The following SCAF11 variants were observed in gnomAD, a reference collection of about 807,000 sequenced individuals.
SCAF11 encodes protein SCAF11.
In SCAF11, 47 loss-of-function variants were observed where a neutral mutation model predicts 140.5. The observed-to-expected ratio is 0.33, with a 90% CI of 0.26 to 0.43. SCAF11 has a LOEUF of 0.43. Ranked by LOEUF, SCAF11 falls within the 20% of genes least tolerant of loss-of-function variation. SCAF11 has a pLI of 1.00. For synonymous variants in SCAF11, 557 were observed against 579.4 expected (o/e 0.96, Z 0.55); for missense variants, 1,645 against 1,705.1 (o/e 0.96, Z 0.62).
At chr12:45,984,826 C>T (rs1056928314) in intron 1 of SCAF11, among the ~76,000 whole-genome samples, 1 of 151,986 alleles carries the variant, frequency 6.6e-6, no homozygotes, top group African/African-American at 2.4e-5. Context: ...TCCCATGTAG[C>T]TGGGATTACA....
intron 6 of SCAF11, among the ~76,000 whole-genome samples, chr12:45,944,812 A>G (rs1026418589): frequency 2.6e-5 from 4 of 152,248 alleles, no homozygotes; most frequent in Non-Finnish European, 5.9e-5. Flanking sequence ...TTCAAATTAG[A>G]AGTAAGGCTA....
At chr12:45,937,703 A>G (rs902911792) in intron 6 of SCAF11, among the ~76,000 whole-genome samples, 1 of 152,198 alleles carries the variant, frequency 6.6e-6, no homozygotes. Flanking sequence ...TTGGAAAATT[A>G]TAATAATCAA....
intron 4 of SCAF11, among the ~76,000 whole-genome samples, chr12:45,950,897 G>A (rs913342855): frequency 3.9e-5 from 6 of 151,918 alleles, no homozygotes; most frequent in East Asian, 1.9e-4. Context: ...TCCTATTAAC[G>A]GCATCACTTA....
chr12:45,974,863 A>G (rs1946196844), intron 1 of SCAF11: 1 of 152,436 alleles, frequency 6.6e-6, no homozygotes, highest in Admixed American at 6.5e-5. Context: ...TATCCATCCA[A>G]GAAATCACTG....
At chr12:45,924,368 C>G (rs1367144149) in intron 12 of SCAF11, among the ~76,000 whole-genome samples, 1 of 152,052 alleles carries the variant, frequency 6.6e-6, no homozygotes, top group South Asian at 2.1e-4. Flanking sequence ...TAGTTCCCAC[C>G]GTCCCCATAT....
At chr12:45,936,094 A>G (rs1945166536) in intron 6 of SCAF11, among the ~76,000 whole-genome samples, 1 of 151,540 alleles carries the variant, frequency 6.6e-6, no homozygotes, top group Non-Finnish European at 1.5e-5. Flanking sequence ...TTCTTCTAAC[A>G]TTTACTTATT....
chr12:45,961,089 C>T (rs958240083), intron 3 of SCAF11: 11 of 483,140 alleles, frequency 2.3e-5, no homozygotes, highest in African/African-American at 5.8e-5. Context: ...CTGTCTATGA[C>T]GGTAATATCT....
In SCAF11 at chr12:45,972,945, T is replaced by TATATAA. The variant is rs1946131765; in HGVS notation, c.-21-8758_-21-8757insTTATAT. ...AGATATATAGATATATATAGATATA[T>TATATAA]ATATAGATATATAGATATATATATA... is the stretch of plus-strand genomic sequence containing the variant. On this transcript the variant is annotated intron_variant, in intron 1 of 14. Transcript: ENST00000369367. 1.0e-3 allele frequency among the ~76,000 whole-genome samples: 100 copies of TATATAA among 99,184 alleles called. 6 individuals are homozygous for TATATAA. Among genetic ancestry groups the TATATAA allele is most frequent in the African/African-American group, 4.6e-3 (93 of 20,266 alleles). 65.1% of individuals were successfully genotyped at this position (99,184 alleles called of 152,430 possible).
At chr12:45,943,196 G>A (rs1186901768) in intron 6 of SCAF11, among the ~76,000 whole-genome samples, 4 of 152,102 alleles carry the variant, frequency 2.6e-5, no homozygotes, top group African/African-American at 4.8e-5. Context: ...TATTAATAAC[G>A]AAATGGATAA....
At chr12:45,986,777 A>G (rs1203647587) in intron 1 of SCAF11, among the ~76,000 whole-genome samples, 1 of 152,082 alleles carries the variant, frequency 6.6e-6, no homozygotes, top group African/African-American at 2.4e-5. Flanking sequence ...GTCTCACAAG[A>G]TCTGATGGTT....
intron 1 of SCAF11, among the ~76,000 whole-genome samples, chr12:45,989,447 G>A (rs1228345651): frequency 6.6e-6 from 1 of 152,198 alleles, no homozygotes; most frequent in Non-Finnish European, 1.5e-5. Flanking sequence ...TCAGCTGGTA[G>A]ACACTGTATG....
At chr12:45,925,944 G>A (rs987119415) in intron 11 of SCAF11, among the ~76,000 whole-genome samples, 198 bp downstream of exon 11, 1 of 151,982 alleles carries the variant, frequency 6.6e-6, no homozygotes, top group Non-Finnish European at 1.5e-5. Context: ...TTGGAGCAGA[G>A]GTAGCATTAA....
Position 45,927,089 on chromosome 12 carries a change from G to C in SCAF11, c.2612C>G (p.Thr871Ser). ...TTCAGATCTTCTGCTTTCCCTAGTA[G>C]TATCCCTTTTTGGAGACCGAGACTG... ...QSQSRSPKRDTTRESRRSESL... is the reference protein window; with the variant it reads ...QSQSRSPKRDSTRESRRSESL... The change falls in exon 11 of 15, where the codon ACT becomes AGT. Residue 871 changes from threonine (T) to serine (S), a missense_variant. Physicochemically the swap from Thr to Ser is moderately conservative, Grantham distance 58 (BLOSUM62 1). Coordinates refer to ENST00000369367, the MANE Select transcript of SCAF11 (RefSeq NM_004719.3). The C allele has an allele frequency of 6.2e-7, 1 of 1,614,090 alleles. No individual in the cohort carries two copies. The highest frequency in any genetic ancestry group is 8.5e-7 in the Non-Finnish European group (1 of 1,180,000).
At chr12:45,939,389 A>G (rs1945243067) in intron 6 of SCAF11, among the ~76,000 whole-genome samples, 1 of 152,158 alleles carries the variant, frequency 6.6e-6, no homozygotes, top group East Asian at 1.9e-4. Flanking sequence ...CTGCTTCACA[A>G]AACTTTAAGA....
intron 1 of SCAF11, among the ~76,000 whole-genome samples, chr12:45,969,894 A>C (rs1946033917): frequency 6.6e-6 from 1 of 151,560 alleles, no homozygotes; most frequent in African/African-American, 2.4e-5. Context: ...ACACCACCAC[A>C]TTCAACCATT....
chr12:45,939,412 T>A (rs768870646), intron 6 of SCAF11, among the ~76,000 whole-genome samples: 41 of 152,130 alleles, frequency 2.7e-4, no homozygotes, highest in Non-Finnish European at 5.3e-4. Flanking sequence ...TTAAAGAAGT[T>A]TGGCCAGGTG....
intron 1 of SCAF11, among the ~76,000 whole-genome samples, chr12:45,983,026 G>T (rs1434301765): frequency 6.6e-6 from 1 of 152,132 alleles, no homozygotes; most frequent in East Asian, 1.9e-4. Flanking sequence ...ATGTACCAGT[G>T]GGGGAGTAAC....
intron 3 of SCAF11, 76 bp downstream of exon 3, chr12:45,961,624 T>C: frequency 8.5e-7 from 1 of 1,174,418 alleles, no homozygotes; most frequent in East Asian, 2.5e-5. Context: ...AAATAATTTA[T>C]GAAAGGCAGT....
intron 5 of SCAF11, among the ~76,000 whole-genome samples, chr12:45,947,164 A>G (rs552627057): frequency 1.8e-4 from 28 of 152,346 alleles, no homozygotes; most frequent in African/African-American, 5.3e-4. Flanking sequence ...TGAATCTGAC[A>G]ACATATTGAC....
Sources: allele counts gnomAD v4.1 joint callset (sites outside exome capture counted in the v4.1 genomes callset), GRCh38; gene constraint gnomAD v4.1.1; transcripts MANE v1.5; gene names NCBI Gene and HGNC (gene_info 2026-07-23, HGNC 2026-07-21).